ATP8A2: variants seen among roughly 807,000 people sequenced by gnomAD.
ATP8A2 encodes phospholipid-transporting ATPase IB.
Under a neutral mutation model 165.6 loss-of-function variants are expected in ATP8A2, and 100 were observed. That is an observed-to-expected ratio of 0.60 (90% CI 0.51 to 0.71). The LOEUF (loss-of-function observed/expected upper bound fraction) is 0.71. Among genes scored for constraint, ATP8A2 ranks in the 30% least tolerant of loss-of-function variants. The probability of loss-of-function intolerance (pLI) is 0.00; values close to 1 mark genes in which losing one functional copy is unlikely to be tolerated. For synonymous variants in ATP8A2, 543 were observed against 548.8 expected (o/e 0.99, Z 0.15); for missense variants, 1,227 against 1,479.5 (o/e 0.83, Z 2.80).
intron 30 of ATP8A2, among the ~76,000 whole-genome samples, chr13:25,853,374 G>C (rs1952056886): frequency 1.5e-5 from 2 of 133,442 alleles, no homozygotes; most frequent in African/African-American, 5.6e-5. Flanking sequence ...CCTGGTGACA[G>C]AGCAAGACTC....
At chr13:25,753,340 A>G (rs2044194274) in intron 25 of ATP8A2, among the ~76,000 whole-genome samples, 1 of 152,154 alleles carries the variant, frequency 6.6e-6, no homozygotes, top group Non-Finnish European at 1.5e-5. Flanking sequence ...TCCAGCCCCC[A>G]GCTCAGTGCT....
At chr13:25,608,798 T>C (rs1316285422) in intron 24 of ATP8A2, among the ~76,000 whole-genome samples, 1 of 152,158 alleles carries the variant, frequency 6.6e-6, no homozygotes, top group Admixed American at 6.6e-5. Context: ...AATCATAAAG[T>C]GTTAACAGAA....
intron 33 of ATP8A2, among the ~76,000 whole-genome samples, chr13:25,923,701 A>T (rs568992968): frequency 9.9e-5 from 15 of 152,254 alleles, no homozygotes; most frequent in African/African-American, 3.4e-4. Flanking sequence ...TAATAAAAAA[A>T]AATGGACATG....
chr13:25,704,538 G>A (rs1364741539), intron 25 of ATP8A2, among the ~76,000 whole-genome samples: 1 of 151,964 alleles, frequency 6.6e-6, no homozygotes, highest in African/African-American at 2.4e-5. Context: ...GGCTTGCTAT[G>A]TTGCCCAGGC....
intron 24 of ATP8A2, among the ~76,000 whole-genome samples, chr13:25,629,982 A>C (rs1306817014): frequency 6.6e-6 from 1 of 152,164 alleles, no homozygotes; most frequent in Non-Finnish European, 1.5e-5. Flanking sequence ...ATAGTACTGA[A>C]AGCTTTGTGT....
chr13:25,375,273 AG>A (rs1593223173), intron 1 of ATP8A2, among the ~76,000 whole-genome samples: 1 of 152,238 alleles, frequency 6.6e-6, no homozygotes, highest in African/African-American at 2.4e-5. Context: ...GGAACACAGC[AG>A]TGTGTCTCAC....
intron 34 of ATP8A2, among the ~76,000 whole-genome samples, chr13:25,964,027 G>T (rs1054995270): frequency 2.0e-5 from 3 of 152,228 alleles, no homozygotes; most frequent in Admixed American, 1.3e-4. Context: ...GGAGGTGCCC[G>T]CAGGGCAAGC....
rs913398934 is a variant in ATP8A2 at position 25,647,985 on chromosome 13, G to A, written c.2212-51188G>A. Among the ~76,000 whole-genome samples, 9 of 151,984 alleles carry A rather than the reference G, an allele frequency of 5.9e-5. No individual in the cohort carries two copies. In the East Asian group the frequency reaches 9.7e-4, roughly 16 times the overall value. On this transcript the variant is annotated intron_variant, in intron 24 of 36. Coordinates refer to ENST00000381655, the MANE Select transcript of ATP8A2 (RefSeq NM_016529.6). ...ATTACAGACATGAGCCACTGCACCC[G>A]GCCCATTATTTCTTTAAATATGCTT...
intron 24 of ATP8A2, among the ~76,000 whole-genome samples, chr13:25,632,850 G>A (rs1042225869): frequency 1.2e-4 from 18 of 152,172 alleles, no homozygotes; most frequent in African/African-American, 4.3e-4. Context: ...TTGCGTGGGA[G>A]AAGTTGTGCT....
chr13:25,573,532 A>G (rs1369864001), intron 18 of ATP8A2, among the ~76,000 whole-genome samples: 5 of 152,222 alleles, frequency 3.3e-5, no homozygotes, highest in Non-Finnish European at 4.4e-5. Context: ...CATATAAGTA[A>G]AAGAAAAAAC....
intron 2 of ATP8A2, among the ~76,000 whole-genome samples, chr13:25,512,439 A>T (rs940767761): frequency 6.6e-6 from 1 of 151,216 alleles, no homozygotes; most frequent in Non-Finnish European, 1.5e-5. Context: ...GGGGCTCCTC[A>T]CTTCCCAGTG....
chr13:25,629,299 C>A (rs1565994186), intron 24 of ATP8A2, among the ~76,000 whole-genome samples: 1 of 152,100 alleles, frequency 6.6e-6, no homozygotes. Context: ...AATAGCAAAT[C>A]ATATCATTGA....
At chr13:25,959,011 A>G (rs1336390933) in intron 33 of ATP8A2, among the ~76,000 whole-genome samples, 1 of 152,238 alleles carries the variant, frequency 6.6e-6, no homozygotes, top group East Asian at 1.9e-4. Context: ...ATAAATACAC[A>G]TAGTGAATGA....
intron 33 of ATP8A2, among the ~76,000 whole-genome samples, chr13:25,936,739 A>G (rs1954902073): frequency 1.3e-5 from 2 of 152,030 alleles, no homozygotes; most frequent in Non-Finnish European, 2.9e-5. Context: ...GTTGGGCCCA[A>G]TTTTCCCCAA....
At chr13:25,945,196 G>C (rs1189415929) in intron 33 of ATP8A2, among the ~76,000 whole-genome samples, 1 of 152,194 alleles carries the variant, frequency 6.6e-6, no homozygotes, top group East Asian at 1.9e-4. Flanking sequence ...GGGTGTGCTG[G>C]TGAATCTGCC....
At chr13:25,880,508 T>C (rs1393067341) in intron 33 of ATP8A2, among the ~76,000 whole-genome samples, 3 of 152,094 alleles carry the variant, frequency 2.0e-5, no homozygotes, top group Admixed American at 2.0e-4. Context: ...TCTCCAGCCA[T>C]AATCCTGACA....
intron 33 of ATP8A2, among the ~76,000 whole-genome samples, chr13:25,956,872 A>G (rs1314415511): frequency 6.6e-6 from 1 of 152,224 alleles, no homozygotes; most frequent in South Asian, 2.1e-4. Context: ...TTCAAACTAT[A>G]TTACAAGGCT....
At chr13:25,437,114 G>A (rs528440394) in intron 1 of ATP8A2, among the ~76,000 whole-genome samples, 35 of 152,238 alleles carry the variant, frequency 2.3e-4, no homozygotes, top group African/African-American at 7.7e-4. Flanking sequence ...TCTGACTGGT[G>A]TAAGATGGTA....
At chr13:25,385,812 C>G (rs4770822) in intron 1 of ATP8A2, among the ~76,000 whole-genome samples, 5,912 of 152,088 alleles carry the variant, frequency 0.039, 165 homozygotes, top group South Asian at 0.074. Context: ...TCACCTTAGC[C>G]TCCTGAGTAG....
Sources: gnomAD v4.1 joint callset for allele counts (sites outside exome capture counted in the v4.1 genomes callset) on GRCh38, gnomAD v4.1.1 for gene constraint, MANE v1.5 for transcripts, NCBI Gene and HGNC (gene_info 2026-07-23, HGNC 2026-07-21) for gene names.